Variants in USH2A observed in about 807,000 individuals in gnomAD.
The protein encoded by USH2A is Usher syndrome 2A (autosomal recessive, mild).
USH2A carries 443 observed loss-of-function variants against 538.9 expected under a neutral mutation model. The observed-to-expected ratio is 0.82, with a 90% CI of 0.76 to 0.89. The LOEUF is 0.89. USH2A is among the 40% of genes least tolerant of loss of function. The probability of loss-of-function intolerance (pLI) is 0.00; values close to 1 mark genes in which losing one functional copy is unlikely to be tolerated. For missense variants in USH2A, 6,633 were observed against 6,324.8 expected, an observed-to-expected ratio of 1.05 and a Z score of -1.65; for synonymous variants, 2,413 against 2,273.5, an observed-to-expected ratio of 1.06 and a Z score of -1.75.
chr1:216,288,694 T>G (rs902106070), intron 11 of USH2A, among the ~76,000 whole-genome samples: 2 of 152,152 alleles, frequency 1.3e-5, no homozygotes, highest in African/African-American at 4.8e-5. Flanking sequence ...TCAGCTTCAA[T>G]AAGAAGCCTG....
chr1:216,161,017 G>T (rs1297185726), intron 21 of USH2A, among the ~76,000 whole-genome samples: 1 of 151,948 alleles, frequency 6.6e-6, no homozygotes, highest in Non-Finnish European at 1.5e-5. Flanking sequence ...AACATTTATT[G>T]TCTTAAAATC....
intron 61 of USH2A, among the ~76,000 whole-genome samples, chr1:215,725,053 A>G (rs1366670075): frequency 1.3e-5 from 2 of 152,116 alleles, no homozygotes; most frequent in African/African-American, 4.8e-5. Flanking sequence ...CTTTTTTTTG[A>G]GACGGAGTCT....
intron 30 of USH2A, among the ~76,000 whole-genome samples, chr1:216,050,058 C>T (rs17025937): frequency 0.01 from 1,571 of 152,310 alleles, 33 homozygotes; most frequent in African/African-American, 0.036. Flanking sequence ...CCTGCCCCTG[C>T]GATTGTCATT....
rs1368020375 is a variant in USH2A, at chr1:215,625,078, C to G, written c.*703G>C. ...TTTCTCCTCAAAATGTATAAATAAGCTGTTTACTCCTTAGATTTTTGGAAA... is the reference window on the plus strand; with the variant it reads ...TTTCTCCTCAAAATGTATAAATAAGGTGTTTACTCCTTAGATTTTTGGAAA... On this transcript the variant is annotated 3_prime_UTR_variant, in exon 72 of 72. Coordinates refer to ENST00000307340, the MANE Select transcript of USH2A (RefSeq NM_206933.4). 1 of 152,202 alleles carries G rather than the reference C, an allele frequency of 6.6e-6. No homozygotes were observed. The highest frequency in any genetic ancestry group is 1.5e-5 in the Non-Finnish European group (1 of 68,048). 9.4% of individuals were successfully genotyped at this position (152,202 alleles called of 1,614,324 possible). A position where few individuals can be genotyped will look rare whatever the true frequency, so the allele number is the denominator to read the frequency against.
intron 10 of USH2A, 32 bp from the exon 11 acceptor site, chr1:216,289,442 T>C (rs1284525425): frequency 3.1e-6 from 5 of 1,613,188 alleles, no homozygotes; most frequent in Non-Finnish European, 3.4e-6. Flanking sequence ...CATTATGACT[T>C]CTAATTCATT....
intron 56 of USH2A, among the ~76,000 whole-genome samples, chr1:215,763,016 C>G (rs1048291744): frequency 3.3e-5 from 5 of 152,168 alleles, no homozygotes; most frequent in African/African-American, 1.2e-4. Flanking sequence ...AAATTCCCAG[C>G]ATTTATTGTG....
At chr1:215,667,554 G>A (rs555958340) in intron 64 of USH2A, among the ~76,000 whole-genome samples, 66 of 152,010 alleles carry the variant, frequency 4.3e-4, no homozygotes, top group Admixed American at 1.2e-3. Flanking sequence ...AAAAAAATTC[G>A]CCACGCATGG....
intron 61 of USH2A, among the ~76,000 whole-genome samples, chr1:215,714,396 G>T (rs1351462620): frequency 6.6e-6 from 1 of 152,156 alleles, no homozygotes; most frequent in African/African-American, 2.4e-5. Context: ...CCAACCATGG[G>T]GACACCTGGG....
intron 39 of USH2A, 96 bp downstream of exon 39, chr1:215,900,659 T>G: frequency 6.6e-7 from 1 of 1,515,460 alleles, no homozygotes; most frequent in South Asian, 1.1e-5. Flanking sequence ...AAAGGTAACC[T>G]ATATTTTTTG....
chr1:216,183,189 T>A (rs182203166), intron 20 of USH2A, among the ~76,000 whole-genome samples: 1 of 152,118 alleles, frequency 6.6e-6, no homozygotes, highest in Admixed American at 6.6e-5. Context: ...ATTTGTTTGT[T>A]TTGCCCCAGC....
At chr1:216,415,744 C>T (rs2039567526) in intron 3 of USH2A, among the ~76,000 whole-genome samples, 1 of 151,970 alleles carries the variant, frequency 6.6e-6, no homozygotes, top group African/African-American at 2.4e-5. Context: ...CCAGGCTGGC[C>T]TCGAACTCCT....
intron 21 of USH2A, among the ~76,000 whole-genome samples, chr1:216,147,895 G>C (rs1416149519): frequency 2.4e-4 from 35 of 148,204 alleles, no homozygotes; most frequent in African/African-American, 8.7e-4. Flanking sequence ...CGTCCCATCT[G>C]TGTGGGACCC....
chr1:216,341,878 A>C (rs2038083280), intron 4 of USH2A, among the ~76,000 whole-genome samples: 1 of 152,176 alleles, frequency 6.6e-6, no homozygotes. Context: ...TGCAAAACCC[A>C]AAATCATTAA....
At chr1:216,178,193 T>A (rs2034429174) in intron 20 of USH2A, among the ~76,000 whole-genome samples, 1 of 152,184 alleles carries the variant, frequency 6.6e-6, no homozygotes, top group Admixed American at 6.6e-5. Context: ...AGCAAAAAGT[T>A]CATCAAGTTA....
intron 55 of USH2A, among the ~76,000 whole-genome samples, chr1:215,771,134 A>AAAAG (rs1046632962): frequency 6.6e-6 from 1 of 151,012 alleles, no homozygotes; most frequent in African/African-American, 2.4e-5. Flanking sequence ...CCTAAAAAAA[A>AAAAG]AAAGAAAGAA....
intron 38 of USH2A, among the ~76,000 whole-genome samples, chr1:215,915,610 A>G (rs1034891765): frequency 3.9e-5 from 6 of 152,130 alleles, no homozygotes; most frequent in African/African-American, 1.4e-4. Context: ...GAGTTCAAAC[A>G]TTGTGGAAGT....
At chr1:215,696,164 T>C (rs1256336302) in intron 61 of USH2A, among the ~76,000 whole-genome samples, 2 of 152,200 alleles carry the variant, frequency 1.3e-5, no homozygotes, top group Admixed American at 6.5e-5. Flanking sequence ...ATATGTATTA[T>C]ATACTGCATT....
intron 43 of USH2A, among the ~76,000 whole-genome samples, chr1:215,875,553 A>C (rs1233629329): frequency 6.6e-6 from 1 of 152,100 alleles, no homozygotes; most frequent in Non-Finnish European, 1.5e-5. Context: ...CTCATTAAGA[A>C]TCCTTAGAGG....
At chr1:215,799,253 C>A (rs1662243635) in intron 49 of USH2A, 128 bp from the exon 50 acceptor site, 1 of 1,176,684 alleles carries the variant, frequency 8.5e-7, no homozygotes, top group Non-Finnish European at 1.2e-6. Flanking sequence ...AGAATAATAT[C>A]ATATTGGAGT....
Sources: allele counts gnomAD v4.1 joint callset (sites outside exome capture counted in the v4.1 genomes callset), GRCh38; gene constraint gnomAD v4.1.1; transcripts MANE v1.5; gene names NCBI Gene and HGNC (gene_info 2026-07-23, HGNC 2026-07-21).